WDR62: variants seen among roughly 807,000 people sequenced by gnomAD.
WDR62 encodes the protein WD repeat-containing protein 62.
A neutral mutation model predicts 160.6 loss-of-function variants in WDR62; 112 were observed. The observed-to-expected ratio is 0.70, with a 90% CI of 0.60 to 0.82. The LOEUF is 0.82. WDR62 is among the 40% of genes least tolerant of loss of function. The pLI, the probability that WDR62 is intolerant of heterozygous loss-of-function variation, is 0.00. For synonymous variants in WDR62, 792 were observed against 815.1 expected (o/e 0.97, Z 0.48); for missense variants, 1,819 against 1,983.8 (o/e 0.92, Z 1.58).
chr19:36,110,479 G>GA, the WDR62 span, among the ~76,000 whole-genome samples: 16 of 150,306 alleles, frequency 1.1e-4, no homozygotes, highest in Admixed American at 6.6e-4. Context: ...CTCAAAAAAA[G>GA]AAAAAAAAAT....
At chr19:36,090,627 G>A (rs1599816537) in intron 16 of WDR62, 107 bp downstream of exon 16, 1 of 1,012,998 alleles carries the variant, frequency 9.9e-7, no homozygotes, top group Non-Finnish European at 1.6e-6. Flanking sequence ...GCACCGCGCT[G>A]CCCAGCACCT....
At chr19:36,065,603 C>T (rs1568328063) in intron 3 of WDR62, among the ~76,000 whole-genome samples, 1 of 152,204 alleles carries the variant, frequency 6.6e-6, no homozygotes, top group Non-Finnish European at 1.5e-5. Context: ...TTTAGTTAGG[C>T]CAGGCCTGTA....
At chr19:36,065,633 T>TTC (rs1970894313) in intron 3 of WDR62, among the ~76,000 whole-genome samples, 1 of 152,182 alleles carries the variant, frequency 6.6e-6, no homozygotes, top group South Asian at 2.1e-4. Context: ...GCATCTCTAT[T>TTC]TCTCAGTGTT....
chr19:36,055,219 CTG>C, intron 1 of WDR62, 71 bp downstream of exon 1: 1 of 1,522,804 alleles, frequency 6.6e-7, no homozygotes, highest in South Asian at 1.2e-5. Flanking sequence ...GTCCTGAGAA[CTG>C]TGGCCCCGAC....
In WDR62 at chr19:36,103,477, T is replaced by C; in HGVS notation, c.3649T>C (p.Tyr1217His). 6.2e-7 allele frequency: 1 copy of C among 1,614,090 alleles called. No individual in the cohort carries two copies. Reference protein sequence around the residue: ...QGVHAPSTCSYMEATASSRAR... With the variant: ...QGVHAPSTCSHMEATASSRAR... ...TGTCCATGCCCCCTCCACCTGTTCC[T>C]ACATGGAGGCCACTGCCAGCTCCCG... The change falls in exon 30 of 32, where the codon TAC (tyrosine) becomes CAC (histidine). Residue 1217 changes from tyrosine to histidine, a missense_variant. By Grantham distance (83) the Tyr-to-His change is moderately conservative (BLOSUM62 2). Transcript: ENST00000401500.
intron 21 of WDR62, 27 bp downstream of exon 21, chr19:36,097,106 A>G: frequency 6.2e-7 from 1 of 1,612,520 alleles, no homozygotes; most frequent in Non-Finnish European, 8.5e-7. Flanking sequence ...AGGGTTGCTC[A>G]GGGGCTGGCA....
chr19:36,055,235 A>G (rs930244927), intron 1 of WDR62, 87 bp downstream of exon 1: 18 of 1,462,722 alleles, frequency 1.2e-5, no homozygotes, highest in Non-Finnish European at 1.7e-5. Flanking sequence ...CCCCGACATC[A>G]GCCCCCGGCC....
chr19:36,092,544 C>CA, intron 18 of WDR62, 145 bp from the exon 19 acceptor site: 1 of 1,156,842 alleles, frequency 8.6e-7, no homozygotes, highest in Non-Finnish European at 1.3e-6. Context: ...AGCACCCCTG[C>CA]ACTAAGCGGA....
chr19:36,063,130 A>T (rs1375136726), intron 3 of WDR62, among the ~76,000 whole-genome samples: 1 of 152,064 alleles, frequency 6.6e-6, no homozygotes, highest in East Asian at 1.9e-4. Context: ...TTTTTAGTAG[A>T]GCTGGGGTTT....
In WDR62 at chr19:36,085,414, C is replaced by CTTTTTTTT. The variant is rs35753706; in HGVS notation, c.1642+686_1642+693dup. On this transcript the variant is annotated intron_variant, in intron 12 of 31. Transcript: ENST00000401500. ...TAGGGCATGAGCCACCACACCTGAC[C>CTTTTTTTT]TTTTTTTTTTTTTTTTTTTTTTTGA... Among the ~76,000 whole-genome samples the CTTTTTTTT allele has an allele frequency of 4.0e-4, 28 of 70,396 alleles. 6 individuals are homozygous for CTTTTTTTT. Among genetic ancestry groups the CTTTTTTTT allele is most frequent in the East Asian group, 1.5e-3 (2 of 1,292 alleles). 46.2% of individuals were successfully genotyped at this position (70,396 alleles called of 152,430 possible). A position where few individuals can be genotyped will look rare whatever the true frequency, so the allele number is the denominator to read the frequency against.
downstream of WDR62, among the ~76,000 whole-genome samples, chr19:36,109,735 A>AAAAAC (rs926139555): frequency 8.0e-5 from 12 of 150,774 alleles, no homozygotes; most frequent in South Asian, 8.4e-4. Flanking sequence ...ATCTGTCTCA[A>AAAAAC]AAAACAAAAC....
chr19:36,081,625 G>A, intron 10 of WDR62, 55 bp downstream of exon 10: 1 of 1,613,056 alleles, frequency 6.2e-7, no homozygotes, highest in Non-Finnish European at 8.5e-7. Flanking sequence ...CCTACTGTAA[G>A]CTTGAATGCA....
At chr19:36,089,427 G>A (rs973844529) in intron 15 of WDR62, 121 bp downstream of exon 15, 1 of 1,531,204 alleles carries the variant, frequency 6.5e-7, no homozygotes, top group Non-Finnish European at 9.0e-7. Context: ...CCCAGCAGGT[G>A]TTCCTTCTTG....
At chr19:36,091,340 T>TCCCCC in intron 17 of WDR62, 29 bp downstream of exon 17, 1 of 1,579,200 alleles carries the variant, frequency 6.3e-7, no homozygotes, top group South Asian at 1.1e-5. Flanking sequence ...TTGGGATGCC[T>TCCCCC]CCCCACCCGC....
rs2145795692 is a variant in WDR62 at position 36,092,738 on chromosome 19, C to T, written c.2260C>T (p.Gln754Ter). 4 of 1,614,196 alleles carry T rather than the reference C, an allele frequency of 2.5e-6. No individual in the cohort carries two copies. The highest frequency in any genetic ancestry group is 3.4e-6 in the Non-Finnish European group (4 of 1,180,014). Reference protein sequence around the residue: ...LGPEITNCMKQHLLEIDHRQQ... With the variant: ...LGPEITNCMK ...CCCGGAGATCACCAACTGCATGAAG[C>T]AGCACTTGCTGGAGATTGACCACCG... The change falls in exon 19 of 32, where the codon CAG becomes TAG. Residue 754 changes from glutamine to a stop codon, truncating the protein, a stop_gained. Coordinates refer to ENST00000401500, the MANE Select transcript of WDR62 (RefSeq NM_001083961.2). LOFTEE classifies it high-confidence loss of function.
Position 36,071,594 on chromosome 19 carries a change from C to T in WDR62, c.921C>T (p.Leu307=). 1 of 1,614,238 alleles carries T rather than the reference C, an allele frequency of 6.2e-7. No individual in the cohort carries two copies. Among genetic ancestry groups the T allele is most frequent in the Middle Eastern group, 1.6e-4 (1 of 6,062 alleles). Residue 307 remains leucine (L), a synonymous_variant, in exon 8 of 32, where the codon CTC becomes CTT. Transcript: ENST00000401500. ...LSSCLCVSQE[L]IFCGCTDGIV... is the part of the protein sequence containing the mutation. The stretch of plus-strand genomic sequence containing the variant: ...CCTGCCTCTGTGTCAGCCAGGAGCT[C>T]ATCTTCTGTGGCTGCACAGATGGGA...
intron 21 of WDR62, among the ~76,000 whole-genome samples, chr19:36,098,917 C>T (rs1973142529): frequency 6.6e-6 from 1 of 152,076 alleles, no homozygotes; most frequent in Non-Finnish European, 1.5e-5. Context: ...GAGAGTCCAC[C>T]TCTACCAAAA....
At chr19:36,071,453 G>A in intron 7 of WDR62, 103 bp from the exon 8 acceptor site, 1 of 1,376,572 alleles carries the variant, frequency 7.3e-7, no homozygotes, top group African/African-American at 1.4e-5. Context: ...CCAAGGAACT[G>A]TAAGTCTTCT....
chr19:36,066,134 C>T lies in WDR62; in HGVS notation c.390+119C>T. On this transcript the variant is annotated intron_variant, in intron 4 of 31. Coordinates refer to ENST00000401500, the MANE Select transcript of WDR62 (RefSeq NM_001083961.2). ...AGCTCCTTCCTGGGCCAGAACAGCC[C>T]TGTAGCAGATGGGGGAGGTGGCTTT... 2.5e-6 allele frequency: 4 copies of T among 1,579,048 alleles called. No individual in the cohort carries two copies. In the South Asian group the frequency reaches 4.4e-5, roughly 17 times the overall value.
Sources: allele counts gnomAD v4.1 joint callset (sites outside exome capture counted in the v4.1 genomes callset), GRCh38; gene constraint gnomAD v4.1.1; transcripts MANE v1.5; gene names NCBI Gene and HGNC (gene_info 2026-07-23, HGNC 2026-07-21).